ASCC3: variants seen among roughly 807,000 people sequenced by gnomAD.
The protein encoded by ASCC3 is activating signal cointegrator 1 complex subunit 3.
In ASCC3, 158 loss-of-function variants were observed where a neutral mutation model predicts 256.3. The ratio of observed to expected loss-of-function variants is 0.62; its 90% CI spans 0.54 to 0.70. The LOEUF (loss-of-function observed/expected upper bound fraction) is 0.70. Ranked by LOEUF, ASCC3 falls within the 30% of genes least tolerant of loss-of-function variation. The pLI is 0.00. For synonymous variants in ASCC3, 948 were observed against 883.4 expected, an observed-to-expected ratio of 1.07 and a Z score of -1.30; for missense variants, 2,259 against 2,626.0, an observed-to-expected ratio of 0.86 and a Z score of 3.05.
chr6:100,792,794 C>T (rs1769415372), intron 8 of ASCC3, among the ~76,000 whole-genome samples: 1 of 151,874 alleles, frequency 6.6e-6, no homozygotes, highest in African/African-American at 2.4e-5. Context: ...TTTAAAATTG[C>T]ACTAACAACT....
rs1428533376 is a variant in ASCC3, at chr6:100,799,307, T to C, written c.1269+124A>G. Reference sequence around the variant, plus strand: ...CACCACATTATGTCATTTTCCCCAATACTTTAAAATAAAATTTAGCATAGT... The same window carrying C: ...CACCACATTATGTCATTTTCCCCAACACTTTAAAATAAAATTTAGCATAGT... On this transcript the variant is annotated intron_variant, in intron 7 of 41. Transcript: ENST00000369162. 4.7e-6 allele frequency: 5 copies of C among 1,068,360 alleles called. No individual in the cohort carries two copies. The East Asian group carries it at 1.3e-4, about 28-fold the overall frequency. The allele number at this position is 1,068,360 out of a possible 1,614,324, so 66.2% of individuals were successfully genotyped here. A position where few individuals can be genotyped will look rare whatever the true frequency, so the allele number is the denominator to read the frequency against.
intron 4 of ASCC3, among the ~76,000 whole-genome samples, chr6:100,831,272 T>C (rs1771604740): frequency 1.3e-5 from 2 of 151,250 alleles, no homozygotes; most frequent in South Asian, 4.2e-4. Context: ...GTATTATCAA[T>C]TAAAATGATA....
At chr6:100,557,801 A>G (rs1769688245) in intron 36 of ASCC3, among the ~76,000 whole-genome samples, 1 of 152,158 alleles carries the variant, frequency 6.6e-6, no homozygotes, top group African/African-American at 2.4e-5. Context: ...CAACAAGGTG[A>G]CTATAGTCAA....
chr6:100,725,824 A>G, intron 10 of ASCC3, 121 bp from the exon 11 acceptor site: 2 of 937,530 alleles, frequency 2.1e-6, no homozygotes, highest in Non-Finnish European at 1.7e-6. Flanking sequence ...AGTGTTTAGA[A>G]TAGCCTAGAA....
Position 100,864,192 on chromosome 6 carries a change from TC to T in ASCC3, c.112del (p.Glu38AsnfsTer4). 1 of 1,605,574 alleles carries T rather than the reference TC, an allele frequency of 6.2e-7. No homozygotes were observed. Among genetic ancestry groups the T allele is most frequent in the Non-Finnish European group, 8.5e-7 (1 of 1,174,674 alleles). On this transcript the variant is annotated frameshift_variant, in exon 3 of 42. Transcript: ENST00000369162. LOFTEE classifies it high-confidence loss of function. Reference protein sequence around the residue: ...DLKIKRSKLHEQVLDLGLTWK... With the variant: ...DLKIKRSKLHXQVLDLGLTWK... ...TGTCAGGCCCAAATCTAAAACTTGT[TC>T]ATGAAGTTTAGATCGCTTTATCTGA... is the stretch of plus-strand genomic sequence containing the variant.
At chr6:100,558,628 A>G (rs1469696988) in intron 36 of ASCC3, among the ~76,000 whole-genome samples, 3 of 152,140 alleles carry the variant, frequency 2.0e-5, no homozygotes, top group Non-Finnish European at 4.4e-5. Flanking sequence ...GCATTTGAAG[A>G]TATCATAGTT....
intron 3 of ASCC3, among the ~76,000 whole-genome samples, chr6:100,862,160 C>T (rs1773255327): frequency 6.6e-6 from 1 of 152,092 alleles, no homozygotes; most frequent in Non-Finnish European, 1.5e-5. Flanking sequence ...ACTGTATTTT[C>T]GCCACTACTT....
intron 25 of ASCC3, among the ~76,000 whole-genome samples, chr6:100,638,282 T>C (rs1012442269): frequency 2.5e-4 from 38 of 152,342 alleles, no homozygotes; most frequent in African/African-American, 9.1e-4. Flanking sequence ...TATTTTCAAA[T>C]TTAGCTATGT....
intron 8 of ASCC3, among the ~76,000 whole-genome samples, chr6:100,769,818 T>C (rs955447133): frequency 2.6e-5 from 4 of 151,860 alleles, no homozygotes; most frequent in Admixed American, 2.0e-4. Flanking sequence ...TGAACAACTA[T>C]ATGCCAGTAA....
rs575341381 is a variant in ASCC3, at chr6:100,785,746, T to C, written c.1395+12967A>G. 5.3e-5 allele frequency among the ~76,000 whole-genome samples: 8 copies of C among 152,218 alleles called. No homozygotes were observed. The South Asian group carries it at 1.0e-3, about 20-fold the overall frequency. Reference sequence around the variant, plus strand: ...TGTATAAAATACTGACAATACTCAATATGCCTGTAAGTGTCAATTCCTAAA... The same window carrying C: ...TGTATAAAATACTGACAATACTCAACATGCCTGTAAGTGTCAATTCCTAAA... On this transcript the variant is annotated intron_variant, in intron 8 of 41. Transcript: ENST00000369162.
intron 13 of ASCC3, among the ~76,000 whole-genome samples, chr6:100,686,404 C>T (rs1465468459): frequency 6.6e-6 from 1 of 152,118 alleles, no homozygotes; most frequent in Non-Finnish European, 1.5e-5. Flanking sequence ...TCTTGTGTGT[C>T]CTTTGAGAGT....
intron 8 of ASCC3, among the ~76,000 whole-genome samples, chr6:100,795,306 A>G (rs1204691448): frequency 6.6e-6 from 1 of 152,064 alleles, no homozygotes; most frequent in Admixed American, 6.6e-5. Flanking sequence ...CTATCTGGGA[A>G]TCAGGGGATG....
chr6:100,733,265 A>C (rs1306193443), intron 10 of ASCC3, among the ~76,000 whole-genome samples: 1 of 152,170 alleles, frequency 6.6e-6, no homozygotes, highest in Non-Finnish European at 1.5e-5. Flanking sequence ...CGAATGACAC[A>C]GTATGTTCAC....
intron 24 of ASCC3, among the ~76,000 whole-genome samples, chr6:100,642,003 C>T (rs151638): frequency 0.55 from 76,191 of 138,420 alleles, 20,513 homozygotes; most frequent in East Asian, 0.68. Flanking sequence ...TCACACACCG[C>T]GGCCTGTTGC....
chr6:100,864,128 C>T lies in ASCC3; in HGVS notation c.177G>A (p.Glu59=). The T allele has an allele frequency of 6.2e-7, 1 of 1,605,162 alleles. No homozygotes were observed. The highest frequency in any genetic ancestry group is 8.5e-7 in the Non-Finnish European group (1 of 1,174,098). ...KIIKFLNEKL[E]KSKMQSINED... is the part of the protein sequence containing the mutation. The stretch of plus-strand genomic sequence containing the variant: ...CATTTATACTTTGCATTTTACTCTT[C>T]TCCAGTTTTTCATTCAAAAATTTTA... The change falls in exon 3 of 42, where the codon GAG becomes GAA. Residue 59 remains glutamate, a synonymous_variant. Coordinates refer to ENST00000369162, the MANE Select transcript of ASCC3 (RefSeq NM_006828.4).
At chr6:100,865,414 T>C (rs1167480581) in intron 2 of ASCC3, among the ~76,000 whole-genome samples, 1 of 152,200 alleles carries the variant, frequency 6.6e-6, no homozygotes, top group Non-Finnish European at 1.5e-5. Flanking sequence ...ACAGAGTAAC[T>C]TGCAAAGGGC....
chr6:100,605,549 T>G lies in ASCC3; in HGVS notation c.5177+19A>C. On this transcript the variant is annotated intron_variant, in intron 33 of 41. Transcript: ENST00000369162. ...TGTGATTAAATAAATCCATTTAAAC[T>G]AATTTAAATAAGATTTACCTTGATT... The G allele has an allele frequency of 1.4e-6, 2 of 1,445,336 alleles. No individual in the cohort carries two copies. Among genetic ancestry groups the G allele is most frequent in the Non-Finnish European group, 1.9e-6 (2 of 1,030,378 alleles). The allele number at this position is 1,445,336 out of a possible 1,614,324, so 89.5% of individuals were successfully genotyped here.
intron 4 of ASCC3, among the ~76,000 whole-genome samples, chr6:100,809,942 C>G (rs1340676770): frequency 1.3e-5 from 2 of 152,114 alleles, no homozygotes; most frequent in Non-Finnish European, 2.9e-5. Flanking sequence ...CCCATTATGT[C>G]ATATGCCCTG....
At chr6:100,595,264 G>C (rs1413974233) in intron 34 of ASCC3, among the ~76,000 whole-genome samples, 1 of 151,834 alleles carries the variant, frequency 6.6e-6, no homozygotes, top group African/African-American at 2.4e-5. Context: ...AGCCTGATTT[G>C]TTCATTTCAC....
Sources: allele counts gnomAD v4.1 joint callset (sites outside exome capture counted in the v4.1 genomes callset), GRCh38; gene constraint gnomAD v4.1.1; transcripts MANE v1.5; gene names NCBI Gene and HGNC (gene_info 2026-07-23, HGNC 2026-07-21).